Variants in CRYL1 observed in about 807,000 individuals in gnomAD.
The protein encoded by CRYL1 is crystallin lambda 1.
A neutral mutation model predicts 36.6 loss-of-function variants in CRYL1; 29 were observed. The observed-to-expected ratio is 0.79, with a 90% confidence interval of 0.59 to 1.08. CRYL1 has a LOEUF of 1.08. CRYL1 is among the 50% of genes least tolerant of loss of function. CRYL1 has a pLI of 0.00. For missense variants in CRYL1, 411 were observed against 407.9 expected (o/e 1.01, Z -0.06); for synonymous variants, 152 against 151.5 (o/e 1.00, Z -0.02).
chr13:20,470,012 G>A (rs1158874060), intron 3 of CRYL1, among the ~76,000 whole-genome samples: 10 of 152,044 alleles, frequency 6.6e-5, no homozygotes, highest in African/African-American at 2.2e-4. Flanking sequence ...TCAGGGTCCT[G>A]AAGAAGACTA....
rs529171043 is a variant in CRYL1, at chr13:20,517,828, C to T, written c.42-5278G>A. 1.7e-3 allele frequency among the ~76,000 whole-genome samples: 256 copies of T among 146,508 alleles called. 1 individual carries two copies. The highest frequency in any genetic ancestry group is 5.9e-3 in the African/African-American group (236 of 39,758). ...GCGGATGCCTGTAGTCCCAGCTACT[C>T]GGGAGGCTGAGGCAGGAGAATGGCG... is the stretch of plus-strand genomic sequence containing the variant. On this transcript the variant is annotated intron_variant, in intron 1 of 7. Transcript: ENST00000298248.
chr13:20,408,410 A>G (rs2031434184), intron 6 of CRYL1, among the ~76,000 whole-genome samples: 1 of 152,226 alleles, frequency 6.6e-6, no homozygotes, highest in African/African-American at 2.4e-5. Context: ...GGCGATTTCC[A>G]CGCTGCCAGA....
At position 20,404,699 on chromosome 13, in the gene CRYL1, T is replaced by C. The variant is rs768014340; in HGVS notation, c.782A>G (p.His261Arg). The C allele has an allele frequency of 1.9e-6, 3 of 1,614,030 alleles. No individual in the cohort carries two copies. The South Asian group carries it at 3.3e-5, about 18-fold the overall frequency. The stretch of plus-strand genomic sequence containing the variant: ...AATGGGTCCAAAAGTCTGTAGGACA[T>C]GTTTTATGCCTTCGCTGTATCTGTC... Reference protein sequence around the residue: ...YCDRYSEGIKHVLQTFGPIPE... With the variant: ...YCDRYSEGIKRVLQTFGPIPE... Residue 261 changes from histidine (H) to arginine (R), a missense_variant, in exon 7 of 8, where the codon CAT (histidine) becomes CGT (arginine). Physicochemically the swap from His to Arg is conservative, Grantham distance 29. Transcript: ENST00000298248.
At chr13:20,454,578 C>T (rs1289498627) in intron 3 of CRYL1, among the ~76,000 whole-genome samples, 9 of 151,978 alleles carry the variant, frequency 5.9e-5, no homozygotes, top group Non-Finnish European at 8.8e-5. Flanking sequence ...CCACCACACC[C>T]GGCTAATTTT....
chr13:20,524,666 C>G (rs991162967), intron 1 of CRYL1, among the ~76,000 whole-genome samples: 1 of 152,130 alleles, frequency 6.6e-6, no homozygotes, highest in African/African-American at 2.4e-5. Flanking sequence ...GGTGAGCCAC[C>G]GCGCGCGGCC....
At chr13:20,479,858 TGTCAGTGTTGAGACA>T (rs528773565) in intron 3 of CRYL1, among the ~76,000 whole-genome samples, 9 of 152,210 alleles carry the variant, frequency 5.9e-5, no homozygotes, top group Non-Finnish European at 1.3e-4. Flanking sequence ...GCATTGAGTA[TGTCAGTGTTGAGACA>T]GGGATGCTGG....
chr13:20,460,588 C>T (rs867795774), intron 3 of CRYL1, among the ~76,000 whole-genome samples: 1,608 of 131,234 alleles, frequency 0.012, 51 homozygotes, highest in African/African-American at 0.044. Flanking sequence ...TGCAGTGGCG[C>T]TATCTCGGCT....
At chr13:20,436,982 C>T (rs1354100269) in intron 4 of CRYL1, among the ~76,000 whole-genome samples, 1 of 151,948 alleles carries the variant, frequency 6.6e-6, no homozygotes, top group Non-Finnish European at 1.5e-5. Context: ...TGTCCAGTCC[C>T]CTAGAGGTCC....
At chr13:20,469,653 G>A (rs1303940192) in intron 3 of CRYL1, among the ~76,000 whole-genome samples, 1 of 152,160 alleles carries the variant, frequency 6.6e-6, no homozygotes, top group East Asian at 1.9e-4. Flanking sequence ...TTCTCAGGCT[G>A]GAAGCAAGAT....
intron 3 of CRYL1, among the ~76,000 whole-genome samples, chr13:20,486,523 A>C (rs1481508497): frequency 3.3e-5 from 5 of 150,702 alleles, no homozygotes; most frequent in Non-Finnish European, 7.4e-5. Flanking sequence ...CCTGCATTAA[A>C]CCTTCCCGAA....
chr13:20,467,713 C>G (rs1046373882), intron 3 of CRYL1, among the ~76,000 whole-genome samples: 69 of 152,134 alleles, frequency 4.5e-4, no homozygotes, highest in African/African-American at 1.4e-3. Context: ...CCCAGCTGCT[C>G]GGGATGCTGA....
chr13:20,409,395 C>T (rs2031462522), intron 6 of CRYL1, among the ~76,000 whole-genome samples: 1 of 148,298 alleles, frequency 6.7e-6, no homozygotes, highest in African/African-American at 2.6e-5. Context: ...TAACATAAAC[C>T]ATTAAAGACT....
chr13:20,421,219 TA>T (rs2031804599), intron 5 of CRYL1, among the ~76,000 whole-genome samples: 1 of 152,112 alleles, frequency 6.6e-6, no homozygotes, highest in South Asian at 2.1e-4. Context: ...ACAACAGTAT[TA>T]TAGAGTTTGA....
In CRYL1 at chr13:20,525,267, C is replaced by T. The variant is rs1593510302; in HGVS notation, c.41+487G>A. Among the ~76,000 whole-genome samples the T allele has an allele frequency of 1.3e-5, 2 of 152,328 alleles. No homozygotes were observed. Among genetic ancestry groups the T allele is most frequent in the East Asian group, 1.9e-4 (1 of 5,176 alleles). ...CAGGACTGCGCTGGCACCCTCCCTGCTGGGCTAGTCCTGTCTCCGTCACTA... is the reference window on the plus strand; with the variant it reads ...CAGGACTGCGCTGGCACCCTCCCTGTTGGGCTAGTCCTGTCTCCGTCACTA... On this transcript the variant is annotated intron_variant, in intron 1 of 7. Transcript: ENST00000298248. The surrounding 1 kb of genome is among the most constrained non-coding windows in gnomAD (Gnocchi z 4.3).
rs151336321 is a variant in CRYL1 at position 20,502,636 on chromosome 13, T to C, written c.149+9807A>G. Reference sequence around the variant, plus strand: ...CGCCACTGCACTCCAGCCTGGGCGATAGAGCGAGACTCCGTCTCAAAAAAA... The same window carrying C: ...CGCCACTGCACTCCAGCCTGGGCGACAGAGCGAGACTCCGTCTCAAAAAAA... On this transcript the variant is annotated intron_variant, in intron 2 of 7. Transcript: ENST00000298248. 1,258 of 151,650 alleles carry C rather than the reference T, an allele frequency of 8.3e-3. 8 individuals carry two copies. Among genetic ancestry groups the C allele is most frequent in the Non-Finnish European group, 0.013 (896 of 68,114 alleles). The allele number at this position is 151,650 out of a possible 1,614,324, so 9.4% of individuals were successfully genotyped here.
chr13:20,413,953 C>G (rs759232980), intron 5 of CRYL1, among the ~76,000 whole-genome samples: 3 of 152,034 alleles, frequency 2.0e-5, no homozygotes, highest in Non-Finnish European at 2.9e-5. Context: ...GGTGGGGGAT[C>G]ACCTGAGGTC....
At position 20,425,137 on chromosome 13, in the gene CRYL1, C is replaced by T. The variant is rs1408838573; in HGVS notation, c.633+6965G>A. Among the ~76,000 whole-genome samples, 1 of 152,212 alleles carries T rather than the reference C, an allele frequency of 6.6e-6. No individual in the cohort carries two copies. The highest frequency in any genetic ancestry group is 1.5e-5 in the Non-Finnish European group (1 of 68,040). On this transcript the variant is annotated intron_variant, in intron 5 of 7. Coordinates refer to ENST00000298248, the MANE Select transcript of CRYL1 (RefSeq NM_015974.3). The surrounding 1 kb of genome is among the most constrained non-coding windows in gnomAD (Gnocchi z 4.4). ...GTGCACCACAGTCTGAAGCAAACCACAGCAATTCACTTCCAACGCCGTCCT... is the reference window on the plus strand; with the variant it reads ...GTGCACCACAGTCTGAAGCAAACCATAGCAATTCACTTCCAACGCCGTCCT...
Position 20,404,132 on chromosome 13 carries a change from C to A in CRYL1, c.957G>T (p.Gln319His), listed in dbSNP as rs1268812654. 1.2e-6 allele frequency: 2 copies of A among 1,611,174 alleles called. No homozygotes were observed. Among genetic ancestry groups the A allele is most frequent in the African/African-American group, 2.7e-5 (2 of 74,836 alleles). The change falls in exon 8 of 8, where the codon CAG becomes CAT. Residue 319 changes from glutamine to histidine, a missense_variant. Gln to His is a conservative substitution (Grantham distance 24). Coordinates refer to ENST00000298248, the MANE Select transcript of CRYL1 (RefSeq NM_015974.3). Reference protein sequence around the residue: ...LAKLKSQVQPQ With the variant: ...LAKLKSQVQPH Reference sequence around the variant, plus strand: ...TGGAAGCTGCATTACAAGAAATTCACTGGGGCTGCACTTGACTCTTCAACT... The same window carrying A: ...TGGAAGCTGCATTACAAGAAATTCAATGGGGCTGCACTTGACTCTTCAACT...
chr13:20,405,260 G>C (rs2031337166), intron 6 of CRYL1, among the ~76,000 whole-genome samples: 1 of 150,920 alleles, frequency 6.6e-6, no homozygotes, highest in South Asian at 2.1e-4. Flanking sequence ...AACAGAGCGA[G>C]ACTCCGTCTC....
Sources: gnomAD v4.1 joint callset for allele counts (sites outside exome capture counted in the v4.1 genomes callset) on GRCh38, gnomAD v4.1.1 for gene constraint, Gnocchi (gnomAD v3.1) non-coding constraint, MANE v1.5 for transcripts, NCBI Gene and HGNC (gene_info 2026-07-23, HGNC 2026-07-21) for gene names.